The following ADCY8 variants were observed in gnomAD, a reference collection of about 807,000 sequenced individuals.
ADCY8 encodes the protein adenylate cyclase 8.
In ADCY8, 51 loss-of-function variants were observed where a neutral mutation model predicts 119.7. The observed-to-expected ratio is 0.43, with a 90% CI of 0.34 to 0.54. The LOEUF (loss-of-function observed/expected upper bound fraction) is 0.54, where lower values mean the gene tolerates loss of function less well. Ranked by LOEUF, ADCY8 falls within the 20% of genes least tolerant of loss-of-function variation. The pLI, the probability that ADCY8 is intolerant of heterozygous loss-of-function variation, is 0.03. For missense variants in ADCY8, 1,383 were observed against 1,598.8 expected, an observed-to-expected ratio of 0.87 and a Z score of 2.30; for synonymous variants, 665 against 651.0, an observed-to-expected ratio of 1.02 and a Z score of -0.33.
In ADCY8 at chr8:130,994,078, G is replaced by A. The variant is rs190667777; in HGVS notation, c.961-3536C>T. On this transcript the variant is annotated intron_variant, in intron 1 of 17. Transcript: ENST00000286355. ...GCACATGGATTTTGATACCCATCACGTAGAGTTTGATCAACTTTCATTGTT... is the reference window on the plus strand; with the variant it reads ...GCACATGGATTTTGATACCCATCACATAGAGTTTGATCAACTTTCATTGTT... Among the ~76,000 whole-genome samples the A allele has an allele frequency of 5.5e-4, 83 of 152,290 alleles. 1 individual carries two copies. The East Asian group carries it at 0.015, about 27-fold the overall frequency.
chr8:130,815,702 G>A (rs2130176893), intron 13 of ADCY8, among the ~76,000 whole-genome samples: 1 of 152,342 alleles, frequency 6.6e-6, no homozygotes, highest in South Asian at 2.1e-4. Flanking sequence ...AAGGATTACA[G>A]ATTTAGTTGC....
chr8:130,993,398 A>C (rs1441599057), intron 1 of ADCY8, among the ~76,000 whole-genome samples: 1 of 152,222 alleles, frequency 6.6e-6, no homozygotes, highest in Non-Finnish European at 1.5e-5. Flanking sequence ...TTATATACCA[A>C]ACAGATTAAA....
chr8:130,985,834 T>C (rs1275357634), intron 2 of ADCY8, among the ~76,000 whole-genome samples: 3 of 152,158 alleles, frequency 2.0e-5, no homozygotes, highest in Non-Finnish European at 4.4e-5. Flanking sequence ...TATTTAAGTT[T>C]AACAGAATTG....
intron 6 of ADCY8, among the ~76,000 whole-genome samples, chr8:130,906,208 A>T (rs1228559130): frequency 6.6e-6 from 1 of 152,234 alleles, no homozygotes; most frequent in Non-Finnish European, 1.5e-5. Context: ...TTGACCTGGG[A>T]GAATAACAGA....
intron 9 of ADCY8, among the ~76,000 whole-genome samples, chr8:130,867,352 A>T (rs534187894): frequency 6.6e-6 from 1 of 152,306 alleles, no homozygotes; most frequent in Admixed American, 6.5e-5. Flanking sequence ...CCTCTTTAAA[A>T]TGAGGATAAT....
At chr8:130,934,941 GA>G (rs1820740108) in intron 5 of ADCY8, among the ~76,000 whole-genome samples, 1 of 152,130 alleles carries the variant, frequency 6.6e-6, no homozygotes, top group African/African-American at 2.4e-5. Flanking sequence ...GGCTTTATGG[GA>G]GACTTTCAGA....
chr8:130,829,148 C>T (rs1586457157), intron 12 of ADCY8, among the ~76,000 whole-genome samples: 1 of 152,190 alleles, frequency 6.6e-6, no homozygotes, highest in African/African-American at 2.4e-5. Flanking sequence ...ATGGGTGGCA[C>T]ATTCAACACC....
At chr8:131,016,222 G>A (rs1211316635) in intron 1 of ADCY8, among the ~76,000 whole-genome samples, 1 of 152,060 alleles carries the variant, frequency 6.6e-6, no homozygotes, top group African/African-American at 2.4e-5. Context: ...GGTGGGGGGA[G>A]GTTACAATTT....
At chr8:131,008,873 A>G (rs1321192437) in intron 1 of ADCY8, among the ~76,000 whole-genome samples, 1 of 152,170 alleles carries the variant, frequency 6.6e-6, no homozygotes, top group Middle Eastern at 3.2e-3. Context: ...AACTGGAGCA[A>G]TGGTGACCCT....
At chr8:130,873,281 C>A (rs1045243238) in intron 8 of ADCY8, among the ~76,000 whole-genome samples, 2 of 151,884 alleles carry the variant, frequency 1.3e-5, no homozygotes, top group South Asian at 4.1e-4. Flanking sequence ...ATAACTAAAA[C>A]AATTATCTAG....
chr8:131,010,871 C>T (rs1218246614), intron 1 of ADCY8, among the ~76,000 whole-genome samples: 2 of 152,244 alleles, frequency 1.3e-5, no homozygotes, highest in South Asian at 4.1e-4. Flanking sequence ...AAATATGATA[C>T]ATCCATTTAC....
intron 1 of ADCY8, among the ~76,000 whole-genome samples, chr8:131,021,153 T>C (rs1563771181): frequency 6.6e-6 from 1 of 152,204 alleles, no homozygotes; most frequent in Non-Finnish European, 1.5e-5. Context: ...GAAATTATAT[T>C]AGATATTGGT....
At chr8:130,984,470 G>GT (rs1327322694) in intron 2 of ADCY8, among the ~76,000 whole-genome samples, 1 of 141,460 alleles carries the variant, frequency 7.1e-6, no homozygotes, top group East Asian at 1.9e-4. Flanking sequence ...AGCTCAGTAA[G>GT]TTTGTTTAGT....
At chr8:130,891,090 A>C (rs1408577687) in intron 7 of ADCY8, among the ~76,000 whole-genome samples, 1 of 152,140 alleles carries the variant, frequency 6.6e-6, no homozygotes, top group African/African-American at 2.4e-5. Context: ...ATTCAGAAGT[A>C]GGTAGGGCCA....
At chr8:130,931,152 T>C (rs985449102) in intron 5 of ADCY8, among the ~76,000 whole-genome samples, 3 of 152,212 alleles carry the variant, frequency 2.0e-5, no homozygotes, top group East Asian at 1.9e-4. Flanking sequence ...CAGCTTTTGT[T>C]TGTCTGGAAA....
At chr8:130,856,570 A>G (rs1409408550) in intron 9 of ADCY8, among the ~76,000 whole-genome samples, 1 of 152,138 alleles carries the variant, frequency 6.6e-6, no homozygotes, top group East Asian at 1.9e-4. Context: ...CCTAGTCCTC[A>G]TTGTCTCTTA....
At chr8:130,991,667 G>C (rs1822582417) in intron 1 of ADCY8, among the ~76,000 whole-genome samples, 1 of 152,154 alleles carries the variant, frequency 6.6e-6, no homozygotes, top group African/African-American at 2.4e-5. Context: ...ACAATGCCCA[G>C]AACATAGCAC....
intron 7 of ADCY8, among the ~76,000 whole-genome samples, chr8:130,890,295 A>G (rs968871798): frequency 3.3e-5 from 5 of 152,140 alleles, no homozygotes; most frequent in African/African-American, 7.2e-5. Context: ...GCACATGTAT[A>G]CATATGTAAC....
chr8:130,836,546 G>T, intron 11 of ADCY8, 97 bp from the exon 12 acceptor site: 1 of 1,339,992 alleles, frequency 7.5e-7, no homozygotes. Context: ...TTTGCAGAGA[G>T]TTTCCATTTG....
Sources: gnomAD v4.1 joint callset for allele counts (sites outside exome capture counted in the v4.1 genomes callset) on GRCh38, gnomAD v4.1.1 for gene constraint, MANE v1.5 for transcripts, NCBI Gene and HGNC (gene_info 2026-07-23, HGNC 2026-07-21) for gene names.